The following IGFBP1 variants were observed in gnomAD, a reference collection of about 807,000 sequenced individuals.
IGFBP1 encodes the protein insulin-like growth factor-binding protein 1.
In IGFBP1, 31 loss-of-function variants were observed where a neutral mutation model predicts 23.1. The ratio of observed to expected loss-of-function variants is 1.34; its 90% confidence interval spans 1.01 to 1.81. The LOEUF is 1.81. IGFBP1 is among the 40% of genes most tolerant of loss of function. The pLI, the probability that IGFBP1 is intolerant of heterozygous loss-of-function variation, is 0.00. For missense variants in IGFBP1, 333 were observed against 342.2 expected, an observed-to-expected ratio of 0.97 and a Z score of 0.21; for synonymous variants, 148 against 145.5, an observed-to-expected ratio of 1.02 and a Z score of -0.13.
chr7:45,889,205 G>A (rs1255412295), intron 1 of IGFBP1, among the ~76,000 whole-genome samples: 1 of 152,252 alleles, frequency 6.6e-6, no homozygotes, highest in African/African-American at 2.4e-5. Flanking sequence ...TTGGCAGGAC[G>A]TGCTCTGGGA....
Position 45,888,618 on chromosome 7 carries a change from G to C in IGFBP1, c.-35G>C, listed in dbSNP as rs774475002. On this transcript the variant is annotated 5_prime_UTR_variant, in exon 1 of 4. Coordinates refer to ENST00000275525, the MANE Select transcript of IGFBP1 (RefSeq NM_000596.4). Reference sequence around the variant, plus strand: ...CACCGCCCGCCGCCACCAGCCCAGAGAGCATCGGCCCCTGTCTGCTGCTCG... The same window carrying C: ...CACCGCCCGCCGCCACCAGCCCAGACAGCATCGGCCCCTGTCTGCTGCTCG... The C allele has an allele frequency of 4.2e-5, 66 of 1,555,852 alleles. No individual in the cohort carries two copies. Among genetic ancestry groups the C allele is most frequent in the Admixed American group, 2.2e-4 (12 of 55,588 alleles).
chr7:45,888,782 G>C lies in IGFBP1; in HGVS notation c.130G>C (p.Val44Leu), dbSNP rs762033595. 4 of 1,580,706 alleles carry C rather than the reference G, an allele frequency of 2.5e-6. No homozygotes were observed. In the South Asian group the frequency reaches 4.5e-5, roughly 18 times the overall value. ...CGAGAAGCTCGCGCTCTGCCCGCCG[G>C]TGTCCGCCTCGTGCTCGGAGGTCAC... is the stretch of plus-strand genomic sequence containing the variant. ...SAEKLALCPPVSASCSEVTRS... is the reference protein window; with the variant it reads ...SAEKLALCPPLSASCSEVTRS... Residue 44 changes from valine (V) to leucine (L), a missense_variant, in exon 1 of 4, where the codon GTG becomes CTG. Coordinates refer to ENST00000275525, the MANE Select transcript of IGFBP1 (RefSeq NM_000596.4).
Position 45,888,958 on chromosome 7 carries a change from C to A in IGFBP1, c.306C>A (p.Gly102=). The part of the protein sequence containing the change: ...QPLHALTRGQ[G]ACVQESDASA... ...TGCACGCCCTCACCCGCGGCCAAGG[C>A]GCCTGCGTGCAGGAGTCTGACGCCT... is the stretch of plus-strand genomic sequence containing the variant. Residue 102 remains glycine (G), a synonymous_variant, in exon 1 of 4, where the codon GGC becomes GGA. Transcript: ENST00000275525. 7 of 1,520,732 alleles carry A rather than the reference C, an allele frequency of 4.6e-6. No individual in the cohort carries two copies. Among genetic ancestry groups the A allele is most frequent in the East Asian group, 2.6e-5 (1 of 38,196 alleles). 94.2% of individuals were successfully genotyped at this position (1,520,732 alleles called of 1,614,324 possible).
In IGFBP1 at chr7:45,892,983, G is replaced by C. The variant is rs1787103660; in HGVS notation, c.672G>C (p.Glu224Asp). ...SRQCETSMDGEAGLCWCVYPW... is the reference protein window; with the variant it reads ...SRQCETSMDGDAGLCWCVYPW... ...AGTGTGAGACATCCATGGATGGAGA[G>C]GCGGGACTCTGCTGGTGCGTCTACC... is the stretch of plus-strand genomic sequence containing the variant. Residue 224 changes from glutamate to aspartate, a missense_variant, in exon 4 of 4, where the codon GAG (glutamate) becomes GAC (aspartate). Physicochemically the swap from Glu to Asp is conservative, Grantham distance 45. Transcript: ENST00000275525. 6.2e-7 allele frequency: 1 copy of C among 1,613,156 alleles called. No homozygotes were observed. The highest frequency in any genetic ancestry group is 2.2e-5 in the East Asian group (1 of 44,876).
At position 45,893,034 on chromosome 7, in the gene IGFBP1, G is replaced by T; in HGVS notation, c.723G>T (p.Gly241=). Reference sequence around the variant, plus strand: ...CTTGGAATGGGAAGAGGATCCCTGGGTCTCCAGAGATCAGGGGAGACCCCA... The same window carrying T: ...CTTGGAATGGGAAGAGGATCCCTGGTTCTCCAGAGATCAGGGGAGACCCCA... ...VYPWNGKRIP[G]SPEIRGDPNC... Residue 241 remains glycine, a synonymous_variant, in exon 4 of 4, where the codon GGG becomes GGT. Coordinates refer to ENST00000275525, the MANE Select transcript of IGFBP1 (RefSeq NM_000596.4). The T allele has an allele frequency of 6.2e-7, 1 of 1,610,274 alleles. No homozygotes were observed. The highest frequency in any genetic ancestry group is 8.5e-7 in the Non-Finnish European group (1 of 1,176,518).
At chr7:45,889,909 T>C (rs1787052345) in intron 1 of IGFBP1, among the ~76,000 whole-genome samples, 1 of 152,184 alleles carries the variant, frequency 6.6e-6, no homozygotes, top group African/African-American at 2.4e-5. Flanking sequence ...CTCAAGGAGA[T>C]GGATTTCCAC....
chr7:45,892,839 AGCCG>A, intron 3 of IGFBP1, 117 bp from the exon 4 acceptor site: 1 of 867,820 alleles, frequency 1.2e-6, no homozygotes, highest in Admixed American at 2.3e-5. Flanking sequence ...CTGGTTTCAC[AGCCG>A]GGACTCTTGG....
chr7:45,890,607 A>G lies in IGFBP1; in HGVS notation c.409A>G (p.Asn137Asp). The G allele has an allele frequency of 6.2e-7, 1 of 1,613,916 alleles. No individual in the cohort carries two copies. Among genetic ancestry groups the G allele is most frequent in the Admixed American group, 1.7e-5 (1 of 60,024 alleles). ...TEITEEELLD[N>D]FHLMAPSEED... ...GATAACTGAGGAGGAGCTCCTGGAT[A>G]ATTTCCATCTGATGGCCCCTTCTGA... The change falls in exon 2 of 4, where the codon AAT (asparagine) becomes GAT (aspartate). Residue 137 changes from asparagine to aspartate, a missense_variant. By Grantham distance (23) the Asn-to-Asp change is conservative. Coordinates refer to ENST00000275525, the MANE Select transcript of IGFBP1 (RefSeq NM_000596.4).
chr7:45,890,456 C>G, intron 1 of IGFBP1, 92 bp from the exon 2 acceptor site: 1 of 1,377,374 alleles, frequency 7.3e-7, no homozygotes, highest in Non-Finnish European at 9.9e-7. Context: ...ATGGCCCAGC[C>G]TGGTTTTGAG....
chr7:45,892,612 T>C (rs1052364799), intron 3 of IGFBP1, among the ~76,000 whole-genome samples: 9 of 152,206 alleles, frequency 5.9e-5, no homozygotes, highest in African/African-American at 2.2e-4. Context: ...AACTGAGGAC[T>C]AGGCCCTGCT....
intron 2 of IGFBP1, 102 bp from the exon 3 acceptor site, chr7:45,891,830 A>G: frequency 8.4e-7 from 1 of 1,197,600 alleles, no homozygotes; most frequent in Non-Finnish European, 1.2e-6. Context: ...GCCAGATCGT[A>G]GGGCCACTCC....
Position 45,893,158 on chromosome 7 carries a change from A to C in IGFBP1, c.*67A>C, listed in dbSNP as rs368771684. ...ATATAGTATATTTATACTCTAGAACATGCACATTTATATATATATGTATAT... is the reference window on the plus strand; with the variant it reads ...ATATAGTATATTTATACTCTAGAACCTGCACATTTATATATATATGTATAT... On this transcript the variant is annotated 3_prime_UTR_variant, in exon 4 of 4. Coordinates refer to ENST00000275525, the MANE Select transcript of IGFBP1 (RefSeq NM_000596.4). 55 of 991,988 alleles carry C rather than the reference A, an allele frequency of 5.5e-5. 1 individual carries two copies. The East Asian group carries it at 1.1e-3, about 19-fold the overall frequency. 61.4% of individuals were successfully genotyped at this position (991,988 alleles called of 1,614,324 possible).
In IGFBP1 at chr7:45,893,124, T is replaced by G; in HGVS notation, c.*33T>G. On this transcript the variant is annotated 3_prime_UTR_variant, in exon 4 of 4. Transcript: ENST00000275525. ...TGAAATAATGTTCTGTCACGTGAAA[T>G]ATTTAAGTATATAGTATATTTATAC... 1.4e-6 allele frequency: 2 copies of G among 1,468,172 alleles called. No individual in the cohort carries two copies. Among genetic ancestry groups the G allele is most frequent in the Non-Finnish European group, 1.9e-6 (2 of 1,053,092 alleles). The allele number at this position is 1,468,172 out of a possible 1,614,324, so 90.9% of individuals were successfully genotyped here.
intron 3 of IGFBP1, among the ~76,000 whole-genome samples, chr7:45,892,470 A>G (rs1178633457): frequency 2.6e-5 from 4 of 152,188 alleles, no homozygotes; most frequent in Admixed American, 6.5e-5. Flanking sequence ...TTCTCCTTGA[A>G]CTGTCTAATA....
Position 45,890,854 on chromosome 7 carries a change from G to A in IGFBP1, c.519+137G>A, listed in dbSNP as rs1246770544. 5.3e-6 allele frequency: 4 copies of A among 760,494 alleles called. No homozygotes were observed. The African/African-American group carries it at 7.2e-5, about 14-fold the overall frequency. 47.1% of individuals were successfully genotyped at this position (760,494 alleles called of 1,614,324 possible). On this transcript the variant is annotated intron_variant, in intron 2 of 3. Transcript: ENST00000275525. The stretch of plus-strand genomic sequence containing the variant: ...AAATGCTTTTCCCCCAAAACCTAGT[G>A]GCCATTTCTCAGTTAAACTTTGTCA...
intron 2 of IGFBP1, among the ~76,000 whole-genome samples, chr7:45,891,088 A>G (rs573705209): frequency 6.6e-6 from 1 of 152,352 alleles, no homozygotes; most frequent in Non-Finnish European, 1.5e-5. Flanking sequence ...GTCATAAAAT[A>G]GACATAAAAT....
chr7:45,891,868 C>T, intron 2 of IGFBP1, 64 bp from the exon 3 acceptor site: 1 of 1,517,898 alleles, frequency 6.6e-7, no homozygotes, highest in Non-Finnish European at 8.9e-7. Flanking sequence ...TTCCATCAGT[C>T]ATTGTCTAGG....
In IGFBP1 at chr7:45,889,002, G is replaced by T. The variant is rs1787033025; in HGVS notation, c.349+1G>T. ...GACGCCTCCGCTCCCCATGCTGCAG[G>T]TACCACAGTCCCGCCCCTGCTCCAG... On this transcript the variant is annotated splice_donor_variant, in intron 1 of 3. Coordinates refer to ENST00000275525, the MANE Select transcript of IGFBP1 (RefSeq NM_000596.4). LOFTEE classifies it high-confidence loss of function. The T allele has an allele frequency of 2.6e-6, 4 of 1,511,112 alleles. No homozygotes were observed. The highest frequency in any genetic ancestry group is 3.5e-6 in the Non-Finnish European group (4 of 1,136,182). 93.6% of individuals were successfully genotyped at this position (1,511,112 alleles called of 1,614,324 possible).
At position 45,893,178 on chromosome 7, in the gene IGFBP1, G is replaced by A; in HGVS notation, c.*87G>A. On this transcript the variant is annotated 3_prime_UTR_variant, in exon 4 of 4. Transcript: ENST00000275525. ...AGAACATGCACATTTATATATATAT[G>A]TATATGTATATATATATAGTAACTA... 2.0e-5 allele frequency: 12 copies of A among 606,710 alleles called. No homozygotes were observed. The highest frequency in any genetic ancestry group is 3.7e-5 in the South Asian group (1 of 27,264). The allele number at this position is 606,710 out of a possible 1,614,324, so 37.6% of individuals were successfully genotyped here.
Sources: allele counts gnomAD v4.1 joint callset (sites outside exome capture counted in the v4.1 genomes callset), GRCh38; gene constraint gnomAD v4.1.1; transcripts MANE v1.5; gene names NCBI Gene and HGNC (gene_info 2026-07-23, HGNC 2026-07-21).